PCNX1: variants seen among roughly 807,000 people sequenced by gnomAD.
PCNX1 encodes the protein pecanex 1.
PCNX1 carries 78 observed loss-of-function variants against 242.2 expected under a neutral mutation model. The ratio of observed to expected loss-of-function variants is 0.32; its 90% confidence interval spans 0.27 to 0.39. The LOEUF is 0.39. Among genes scored for constraint, PCNX1 ranks in the 10% least tolerant of loss-of-function variants. The pLI, the probability that PCNX1 is intolerant of heterozygous loss-of-function variation, is 1.00. For synonymous variants in PCNX1, 1,024 were observed against 1,032.9 expected (o/e 0.99, Z 0.17); for missense variants, 2,581 against 2,856.5 (o/e 0.90, Z 2.20).
intron 8 of PCNX1, among the ~76,000 whole-genome samples, chr14:71,007,383 A>G (rs1268668505): frequency 1.3e-5 from 2 of 152,144 alleles, no homozygotes; most frequent in Non-Finnish European, 2.9e-5. Flanking sequence ...TATTTTTAAT[A>G]TACCAAGAAC....
chr14:70,909,685 A>G (rs1214431024), intron 1 of PCNX1, among the ~76,000 whole-genome samples: 1 of 152,186 alleles, frequency 6.6e-6, no homozygotes, highest in Non-Finnish European at 1.5e-5. Context: ...GAGCAAATGG[A>G]AACCAGGACA....
intron 7 of PCNX1, among the ~76,000 whole-genome samples, chr14:70,994,426 T>TATATATAGATATATATAG (rs1387360991): frequency 8.7e-6 from 1 of 114,984 alleles, no homozygotes; most frequent in Non-Finnish European, 1.8e-5. Context: ...TATATATATA[T>TATATATAGATATATATAG]ATATGTATGT....
Position 70,977,755 on chromosome 14 carries a change from C to G in PCNX1, c.1418C>G (p.Ser473Cys). ...CACGAGGCCAAGGACCCCACCCCCT[C>G]TGATGAGATGCACAACCAGAGAGGT... Reference protein sequence around the residue: ...GVHEAKDPTPSDEMHNQRGLS... With the variant: ...GVHEAKDPTPCDEMHNQRGLS... Residue 473 changes from serine to cysteine, a missense_variant, in exon 6 of 36, where the codon TCT becomes TGT. By Grantham distance (112) the Ser-to-Cys change is moderately radical. Transcript: ENST00000304743. The G allele has an allele frequency of 6.2e-7, 1 of 1,614,134 alleles. No individual in the cohort carries two copies. Among genetic ancestry groups the G allele is most frequent in the Non-Finnish European group, 8.5e-7 (1 of 1,180,030 alleles).
intron 30 of PCNX1, among the ~76,000 whole-genome samples, chr14:71,094,601 CTTATGGAT>C (rs554186537): frequency 1.6e-3 from 248 of 152,212 alleles, no homozygotes; most frequent in African/African-American, 5.7e-3. Context: ...CCCCTCCAAC[CTTATGGAT>C]TACATGTGCT....
At chr14:71,080,964 C>T (rs1390884431) in intron 28 of PCNX1, among the ~76,000 whole-genome samples, 1 of 152,170 alleles carries the variant, frequency 6.6e-6, no homozygotes, top group Non-Finnish European at 1.5e-5. Context: ...AAAGGGAATG[C>T]TTCCAGTTTT....
chr14:70,915,768 C>T (rs1264442539), intron 1 of PCNX1, among the ~76,000 whole-genome samples: 1 of 152,070 alleles, frequency 6.6e-6, no homozygotes, highest in Non-Finnish European at 1.5e-5. Context: ...TTGATAAATA[C>T]TCATTTTACA....
At chr14:71,009,987 C>T (rs1323531887) in intron 9 of PCNX1, 1 of 278,856 alleles carries the variant, frequency 3.6e-6, no homozygotes, top group Non-Finnish European at 6.6e-6. Context: ...TAAATCTACT[C>T]TCTTAGTGAT....
chr14:71,077,949 C>G (rs2061759308), intron 28 of PCNX1, among the ~76,000 whole-genome samples: 1 of 152,156 alleles, frequency 6.6e-6, no homozygotes, highest in South Asian at 2.1e-4. Flanking sequence ...AGTCTACCCA[C>G]TCAGGAACAG....
intron 8 of PCNX1, among the ~76,000 whole-genome samples, chr14:71,005,395 C>A (rs553871783): frequency 5.9e-5 from 9 of 152,082 alleles, no homozygotes; most frequent in Non-Finnish European, 1.2e-4. Context: ...GCAGCCCCAG[C>A]TACTCAGGAA....
At chr14:70,938,370 T>C (rs1810395134) in intron 1 of PCNX1, among the ~76,000 whole-genome samples, 2 of 152,234 alleles carry the variant, frequency 1.3e-5, no homozygotes, top group East Asian at 3.8e-4. Context: ...AAAGGCCTTT[T>C]CTGCATCTAT....
chr14:71,109,237 A>G (rs1375686063), intron 34 of PCNX1, among the ~76,000 whole-genome samples, 191 bp downstream of exon 34: 2 of 152,218 alleles, frequency 1.3e-5, no homozygotes, highest in African/African-American at 4.8e-5. Context: ...ATGGTGATAT[A>G]TGTTCCTTGT....
intron 13 of PCNX1, among the ~76,000 whole-genome samples, chr14:71,025,082 A>C (rs2060204647): frequency 6.6e-6 from 1 of 152,198 alleles, no homozygotes; most frequent in African/African-American, 2.4e-5. Flanking sequence ...ATTGGTTGCC[A>C]AATGGTGATT....
intron 12 of PCNX1, among the ~76,000 whole-genome samples, chr14:71,022,172 C>A (rs536067316): frequency 4.9e-4 from 75 of 152,194 alleles, no homozygotes; most frequent in Admixed American, 1.6e-3. Flanking sequence ...TAACCCAGTC[C>A]CTTTGATGAC....
intron 19 of PCNX1, among the ~76,000 whole-genome samples, chr14:71,044,117 C>T (rs1470677604): frequency 3.3e-5 from 5 of 152,120 alleles, no homozygotes; most frequent in South Asian, 2.1e-4. Flanking sequence ...CTGTGAATTC[C>T]TTAGTGACTT....
At position 71,019,060 on chromosome 14, in the gene PCNX1, G is replaced by C; in HGVS notation, c.3048G>C (p.Val1016=). The change falls in exon 12 of 36, where the codon GTG becomes GTC. Residue 1016 remains valine (V), a synonymous_variant. Coordinates refer to ENST00000304743, the MANE Select transcript of PCNX1 (RefSeq NM_014982.3). ...NVLAVILAIL[V]AFLGSILLIQ... is the part of the protein sequence containing the mutation. Reference sequence around the variant, plus strand: ...TAGCTGTCATCCTGGCTATTCTCGTGGCCTTTTTGGGATCTATTCTTCTCA... The same window carrying C: ...TAGCTGTCATCCTGGCTATTCTCGTCGCCTTTTTGGGATCTATTCTTCTCA... 6.2e-7 allele frequency: 1 copy of C among 1,613,026 alleles called. No individual in the cohort carries two copies. Among genetic ancestry groups the C allele is most frequent in the Non-Finnish European group, 8.5e-7 (1 of 1,179,442 alleles).
At chr14:70,944,996 G>C (rs1408795152) in intron 1 of PCNX1, among the ~76,000 whole-genome samples, 1 of 152,112 alleles carries the variant, frequency 6.6e-6, no homozygotes, top group Non-Finnish European at 1.5e-5. Context: ...CCCAGTCTTG[G>C]GTATTTCTTC....
At chr14:71,051,187 AAAAAAAAAAAAT>A (rs1376194716) in intron 23 of PCNX1, among the ~76,000 whole-genome samples, 1 of 149,228 alleles carries the variant, frequency 6.7e-6, no homozygotes, top group African/African-American at 2.4e-5. Flanking sequence ...AAAAAAAAAA[AAAAAAAAAAAAT>A]CATAACCTTT....
At chr14:71,036,523 C>T (rs1055352300) in intron 19 of PCNX1, among the ~76,000 whole-genome samples, 1 of 152,066 alleles carries the variant, frequency 6.6e-6, no homozygotes, top group African/African-American at 2.4e-5. Context: ...GTTACAGTTG[C>T]CTACAGTATT....
rs935165185 is a variant in PCNX1, at chr14:71,045,216, G to T, written c.3951G>T (p.Gln1317His). 1 of 1,613,176 alleles carries T rather than the reference G, an allele frequency of 6.2e-7. No individual in the cohort carries two copies. Among genetic ancestry groups the T allele is most frequent in the Non-Finnish European group, 8.5e-7 (1 of 1,179,252 alleles). Residue 1317 changes from glutamine (Q) to histidine (H), a missense_variant, in exon 20 of 36, where the codon CAG becomes CAT. Around this residue, in one of 9 missense-constraint regions of PCNX1, gnomAD observed 432 missense variants for 443.1 expected, o/e 0.97. Transcript: ENST00000304743. ...ATGTGCTGCCTCAAGTTAGAAAACAGCTACCATGGCACTGTTTCTCTCATC... is the reference window on the plus strand; with the variant it reads ...ATGTGCTGCCTCAAGTTAGAAAACATCTACCATGGCACTGTTTCTCTCATC... ...THYVLPQVRKQLPWHCFSHPL... is the reference protein window; with the variant it reads ...THYVLPQVRKHLPWHCFSHPL...
Sources: allele counts gnomAD v4.1 joint callset (sites outside exome capture counted in the v4.1 genomes callset), GRCh38; gene constraint gnomAD v4.1.1; regional missense constraint gnomAD v4.1.1; transcripts MANE v1.5; gene names NCBI Gene and HGNC (gene_info 2026-07-23, HGNC 2026-07-21).